The following SLC9B1 variants were observed in gnomAD, a reference collection of about 807,000 sequenced individuals.
SLC9B1 encodes the protein solute carrier family 9 member B1, also known as sodium/hydrogen exchanger 9B1.
Under a neutral mutation model 51.7 loss-of-function variants are expected in SLC9B1, and 32 were observed. The observed-to-expected ratio is 0.62, with a 90% CI of 0.47 to 0.83. The LOEUF is 0.83. Ranked by LOEUF, SLC9B1 falls within the 40% of genes least tolerant of loss-of-function variation. The pLI is 0.00. For synonymous variants in SLC9B1, 145 were observed against 212.7 expected, an observed-to-expected ratio of 0.68 and a Z score of 2.77; for missense variants, 406 against 613.2, an observed-to-expected ratio of 0.66 and a Z score of 3.57.
intron 7 of SLC9B1, among the ~76,000 whole-genome samples, chr4:102,920,207 A>G (rs1368927276): frequency 2.0e-5 from 3 of 152,154 alleles, no homozygotes; most frequent in Non-Finnish European, 4.4e-5. Flanking sequence ...TTCCAGAGGA[A>G]GGATCGGGCA....
At chr4:102,939,202 C>T (rs540316222) in intron 6 of SLC9B1, among the ~76,000 whole-genome samples, 58 of 150,152 alleles carry the variant, frequency 3.9e-4, no homozygotes, top group African/African-American at 1.3e-3. Flanking sequence ...GCAAAGTGGA[C>T]GTTACCGCCA....
chr4:102,885,095 A>G, exon 12 of SLC9B1: 1 of 792,114 alleles, frequency 1.3e-6, no homozygotes, highest in South Asian at 1.4e-5. Flanking sequence ...AGTTTTATGG[A>G]TCCATTAAAA....
chr4:102,971,704 T>C (rs913579389), intron 3 of SLC9B1, among the ~76,000 whole-genome samples: 1 of 152,066 alleles, frequency 6.6e-6, no homozygotes, highest in Admixed American at 6.6e-5. Flanking sequence ...CCAGGAGCTG[T>C]TTTTTTGAAA....
chr4:102,933,825 G>T (rs562431184), intron 6 of SLC9B1, among the ~76,000 whole-genome samples: 81 of 152,152 alleles, frequency 5.3e-4, no homozygotes, highest in Non-Finnish European at 5.7e-4. Flanking sequence ...TATAAAAATT[G>T]TGAATATAAT....
At chr4:102,955,627 G>T (rs770989740) in intron 3 of SLC9B1, among the ~76,000 whole-genome samples, 16 of 151,984 alleles carry the variant, frequency 1.1e-4, no homozygotes, top group Non-Finnish European at 2.4e-4. Flanking sequence ...TTGCTAGTCT[G>T]AGGTTGCAGT....
chr4:102,992,443 ATCCTG>A (rs1739991129), intron 1 of SLC9B1, among the ~76,000 whole-genome samples: 1 of 152,318 alleles, frequency 6.6e-6, no homozygotes, highest in Non-Finnish European at 1.5e-5. Context: ...TTATTACCAT[ATCCTG>A]TAGTGCTTCA....
At chr4:102,885,331 T>C (rs1426985286) in intron 11 of SLC9B1, 1 of 1,614,040 alleles carries the variant, frequency 6.2e-7, no homozygotes, top group Admixed American at 1.7e-5. Flanking sequence ...TGATTAATCT[T>C]AAAATACAAA....
chr4:103,000,092 C>T (rs767305486), intron 1 of SLC9B1, among the ~76,000 whole-genome samples: 1 of 152,102 alleles, frequency 6.6e-6, no homozygotes, highest in Non-Finnish European at 1.5e-5. Flanking sequence ...AGGGAAACTG[C>T]CCCCTTGATC....
In SLC9B1 at chr4:102,906,357, A is replaced by T. The variant is rs1735053990; in HGVS notation, c.1195+179T>A. 4 of 283,174 alleles carry T rather than the reference A, an allele frequency of 1.4e-5. No individual in the cohort carries two copies. In the Admixed American group the frequency reaches 2.0e-4, roughly 14 times the overall value. 17.5% of individuals were successfully genotyped at this position (283,174 alleles called of 1,614,324 possible). On this transcript the variant is annotated intron_variant, in intron 10 of 11. Transcript: ENST00000296422. ...ATATTCAGGGCTGTCCTTGGTTTAT[A>T]AAAAAAAAAGAGCACCCAGTGTAAA...
intron 1 of SLC9B1, among the ~76,000 whole-genome samples, chr4:102,995,848 T>C (rs1027110815): frequency 6.6e-6 from 1 of 152,192 alleles, no homozygotes; most frequent in African/African-American, 2.4e-5. Context: ...TAAATTATAA[T>C]AGCTAATGCC....
chr4:102,968,259 C>A (rs1034060194), intron 3 of SLC9B1, among the ~76,000 whole-genome samples: 7 of 152,140 alleles, frequency 4.6e-5, no homozygotes, highest in Admixed American at 1.3e-4. Context: ...AAAAGATGTT[C>A]TTTCAACAAA....
intron 1 of SLC9B1, 81 bp from the exon 2 acceptor site, chr4:102,991,793 T>A: frequency 1.0e-6 from 1 of 962,742 alleles, no homozygotes; most frequent in Non-Finnish European, 1.5e-6. Context: ...TAAGTGGGAT[T>A]AATTTTTTAA....
At chr4:103,005,677 C>CAT (rs1189151353) in intron 1 of SLC9B1, among the ~76,000 whole-genome samples, 1 of 152,140 alleles carries the variant, frequency 6.6e-6, no homozygotes, top group African/African-American at 2.4e-5. Context: ...GCACATGGCA[C>CAT]ATACTGTAAA....
chr4:102,931,427 A>AT (rs1482152102), intron 7 of SLC9B1, among the ~76,000 whole-genome samples: 9 of 152,110 alleles, frequency 5.9e-5, no homozygotes, highest in African/African-American at 1.9e-4. Context: ...ACTACTGCAG[A>AT]TTTTTTTAAC....
At chr4:102,903,821 G>A (rs1734899193) in intron 11 of SLC9B1, among the ~76,000 whole-genome samples, 1 of 152,192 alleles carries the variant, frequency 6.6e-6, no homozygotes, top group African/African-American at 2.4e-5. Context: ...TTTGGCTCCT[G>A]CATGTCAGGC....
intron 11 of SLC9B1, chr4:102,888,535 A>G (rs1340783209): frequency 2.6e-5 from 4 of 152,250 alleles, no homozygotes; most frequent in Admixed American, 2.6e-4. Context: ...ACTGTACAAA[A>G]AAGTTTGTGA....
intron 7 of SLC9B1, among the ~76,000 whole-genome samples, chr4:102,928,158 C>T (rs201782306): frequency 3.9e-5 from 6 of 152,040 alleles, no homozygotes; most frequent in East Asian, 1.9e-4. Flanking sequence ...CAAACCAACA[C>T]GGCACATGTA....
chr4:102,960,435 T>C (rs980291471), intron 3 of SLC9B1, among the ~76,000 whole-genome samples: 1 of 152,056 alleles, frequency 6.6e-6, no homozygotes, highest in African/African-American at 2.4e-5. Context: ...GTATTGCTGA[T>C]ACTTAAATAA....
intron 1 of SLC9B1, among the ~76,000 whole-genome samples, chr4:102,996,533 C>T (rs1024139889): frequency 5.3e-5 from 8 of 152,096 alleles, no homozygotes; most frequent in Admixed American, 5.2e-4. Flanking sequence ...GGAACAACAA[C>T]AGGTCTATGG....
Sources: allele counts gnomAD v4.1 joint callset (sites outside exome capture counted in the v4.1 genomes callset), GRCh38; gene constraint gnomAD v4.1.1; transcripts MANE v1.5; gene names NCBI Gene and HGNC (gene_info 2026-07-23, HGNC 2026-07-21).